The following ADGRV1 variants were observed in gnomAD, a reference collection of about 807,000 sequenced individuals.
ADGRV1 encodes the protein adhesion G protein-coupled receptor V1.
ADGRV1 carries 359 observed loss-of-function variants against 596.2 expected under a neutral mutation model. The observed-to-expected ratio is 0.60, with a 90% CI of 0.55 to 0.66. The LOEUF (loss-of-function observed/expected upper bound fraction) is 0.66, where lower values mean the gene tolerates loss of function less well. ADGRV1 is among the 30% of genes least tolerant of loss of function. The pLI, the probability that ADGRV1 is intolerant of heterozygous loss-of-function variation, is 0.00. For missense variants in ADGRV1, 7,274 were observed against 7,575.6 expected (o/e 0.96, Z 1.48); for synonymous variants, 2,681 against 2,679.2 (o/e 1.00, Z -0.02).
intron 42 of ADGRV1, among the ~76,000 whole-genome samples, chr5:90,715,631 C>G (rs192473886): frequency 6.9e-6 from 1 of 145,160 alleles, no homozygotes; most frequent in East Asian, 2.1e-4. Flanking sequence ...AGTATTGTTG[C>G]TATTGTGAAT....
intron 5 of ADGRV1, among the ~76,000 whole-genome samples, chr5:90,623,027 C>T (rs1158895397): frequency 2.0e-5 from 3 of 152,198 alleles, no homozygotes; most frequent in African/African-American, 4.8e-5. Flanking sequence ...AGGCGTGAGC[C>T]ACTGCACCCG....
chr5:90,682,535 T>C (rs966356649), intron 27 of ADGRV1, among the ~76,000 whole-genome samples: 2 of 152,248 alleles, frequency 1.3e-5, no homozygotes, highest in Non-Finnish European at 2.9e-5. Flanking sequence ...CATTGTTCAG[T>C]GACTCACAGG....
chr5:90,683,235 G>T (rs1040242310), intron 27 of ADGRV1, among the ~76,000 whole-genome samples: 2 of 152,028 alleles, frequency 1.3e-5, no homozygotes, highest in Non-Finnish European at 2.9e-5. Flanking sequence ...TTAAGAGATA[G>T]AGTCTTGGTG....
At chr5:90,560,153 C>T (rs1181128973) in intron 1 of ADGRV1, among the ~76,000 whole-genome samples, 1 of 152,130 alleles carries the variant, frequency 6.6e-6, no homozygotes, top group Non-Finnish European at 1.5e-5. Context: ...CCCATCCTTC[C>T]AGGCATTAGT....
intron 83 of ADGRV1, among the ~76,000 whole-genome samples, chr5:90,866,462 A>C (rs1004768573): frequency 6.6e-6 from 1 of 151,980 alleles, no homozygotes; most frequent in Non-Finnish European, 1.5e-5. Flanking sequence ...CATTGACTAT[A>C]AAATATCAGT....
Position 90,675,373 on chromosome 5 carries a change from G to A in ADGRV1, c.5241G>A (p.Gln1747=), listed in dbSNP as rs761621399. 1 of 1,613,856 alleles carries A rather than the reference G, an allele frequency of 6.2e-7. No homozygotes were observed. The highest frequency in any genetic ancestry group is 1.1e-5 in the South Asian group (1 of 91,062). ...TCAGGTTATTGGTCATCCGTGCACAGGGACTTCTGGGAAGGGTGACTGCGG... is the reference window on the plus strand; with the variant it reads ...TCAGGTTATTGGTCATCCGTGCACAAGGACTTCTGGGAAGGGTGACTGCGG... ...GEIRLLVIRA[Q]GLLGRVTAEF... is the part of the protein sequence containing the mutation. The change falls in exon 24 of 90, where the codon CAG becomes CAA. Residue 1747 remains glutamine (Q), a synonymous_variant. Transcript: ENST00000405460.
rs1028374408 is a variant in ADGRV1 at position 90,627,474 on chromosome 5, C to T, written c.936C>T (p.Ser312=). 1.2e-6 allele frequency: 2 copies of T among 1,613,796 alleles called. No individual in the cohort carries two copies. The highest frequency in any genetic ancestry group is 2.7e-5 in the African/African-American group (2 of 74,892). The change falls in exon 7 of 90, where the codon TCC becomes TCT. Residue 312 remains serine, a synonymous_variant. Transcript: ENST00000405460. ...SISYAVTTGN[S]TAHAQQNLDF... is the part of the protein sequence containing the mutation. ...GTTATGCTGTCACAACTGGGAATTC[C>T]ACAGCACATGCCCAGCAAAATCTGG...
chr5:90,938,543 G>C (rs961631347), intron 83 of ADGRV1, among the ~76,000 whole-genome samples: 1 of 152,296 alleles, frequency 6.6e-6, no homozygotes, highest in East Asian at 1.9e-4. Flanking sequence ...CTGTGATCTA[G>C]TCTGGATATG....
chr5:90,819,434 T>A (rs1176068807), intron 75 of ADGRV1, among the ~76,000 whole-genome samples: 2 of 151,292 alleles, frequency 1.3e-5, no homozygotes, highest in South Asian at 2.1e-4. Flanking sequence ...GCTCTGATTT[T>A]AGTTATTTCT....
chr5:90,754,317 A>G (rs1200403043), intron 54 of ADGRV1, among the ~76,000 whole-genome samples: 1 of 152,170 alleles, frequency 6.6e-6, no homozygotes. Flanking sequence ...TAAAATCATC[A>G]CCCAAATAAT....
chr5:90,859,662 C>T (rs1767357178), intron 82 of ADGRV1, among the ~76,000 whole-genome samples: 2 of 152,116 alleles, frequency 1.3e-5, no homozygotes, highest in Admixed American at 6.5e-5. Context: ...ACACAACACT[C>T]TCCAATAGAG....
At position 90,899,778 on chromosome 5, in the gene ADGRV1, T is replaced by G. The variant is rs567120628; in HGVS notation, c.17856+35921T>G. The stretch of plus-strand genomic sequence containing the variant: ...ATACCTTCCAGACTCTCATGCTCCA[T>G]TCCTTCCACTCTTTCCACCTCAATC... On this transcript the variant is annotated intron_variant, in intron 83 of 89. Coordinates refer to ENST00000405460, the MANE Select transcript of ADGRV1 (RefSeq NM_032119.4). Among the ~76,000 whole-genome samples, 465 of 152,176 alleles carry G rather than the reference T, an allele frequency of 3.1e-3. 1 individual carries two copies. Among genetic ancestry groups the G allele is most frequent in the Non-Finnish European group, 4.9e-3 (335 of 67,996 alleles).
chr5:91,064,260 G>A (rs949070203), intron 85 of ADGRV1, among the ~76,000 whole-genome samples: 1 of 152,192 alleles, frequency 6.6e-6, no homozygotes, highest in Non-Finnish European at 1.5e-5. Context: ...CCACTAACTT[G>A]AATATGTCTA....
chr5:90,562,147 T>C (rs1241506725), intron 1 of ADGRV1, among the ~76,000 whole-genome samples: 1 of 152,190 alleles, frequency 6.6e-6, no homozygotes. Context: ...TAAAGTTCTA[T>C]TTAGTTTTAG....
chr5:91,134,346 C>T (rs1287140640), intron 87 of ADGRV1, among the ~76,000 whole-genome samples: 1 of 152,104 alleles, frequency 6.6e-6, no homozygotes. Flanking sequence ...CACCACTACG[C>T]CTGGCTAACT....
At chr5:90,621,647 G>C (rs192063800) in intron 4 of ADGRV1, among the ~76,000 whole-genome samples, 10 of 152,036 alleles carry the variant, frequency 6.6e-5, no homozygotes, top group Admixed American at 2.0e-4. Context: ...TAGCCTATGG[G>C]AATGAATCCT....
intron 1 of ADGRV1, among the ~76,000 whole-genome samples, chr5:90,595,936 G>A (rs1339741052): frequency 2.7e-5 from 4 of 150,930 alleles, no homozygotes; most frequent in East Asian, 4.0e-4. Flanking sequence ...GGGCGGAGAC[G>A]CTCCTCACTT....
chr5:90,635,152 C>G lies in ADGRV1; in HGVS notation c.1878C>G (p.Ile626Met). The G allele has an allele frequency of 6.2e-7, 1 of 1,607,662 alleles. No individual in the cohort carries two copies. Among genetic ancestry groups the G allele is most frequent in the Non-Finnish European group, 8.5e-7 (1 of 1,174,416 alleles). ...TVELLNIIPL[I>M]PPISPRFGEI... ...AGTTGTTAAACATAATTCCTCTAAT[C>G]CCACCCATAAGCCCTAGATTTGGGG... The change falls in exon 10 of 90, where the codon ATC becomes ATG. Residue 626 changes from isoleucine to methionine, a missense_variant. Physicochemically the swap from Ile to Met is conservative, Grantham distance 10 (BLOSUM62 1). Coordinates refer to ENST00000405460, the MANE Select transcript of ADGRV1 (RefSeq NM_032119.4).
chr5:90,812,557 A>G (rs1762535470), intron 74 of ADGRV1, among the ~76,000 whole-genome samples: 1 of 152,214 alleles, frequency 6.6e-6, no homozygotes, highest in African/African-American at 2.4e-5. Context: ...ATTCTGTGCA[A>G]TAGACCTCAA....
Sources: gnomAD v4.1 joint callset for allele counts (sites outside exome capture counted in the v4.1 genomes callset) on GRCh38, gnomAD v4.1.1 for gene constraint, MANE v1.5 for transcripts, NCBI Gene and HGNC (gene_info 2026-07-23, HGNC 2026-07-21) for gene names.